Variants in PPA2 observed in about 807,000 individuals in gnomAD.
PPA2 encodes the protein inorganic pyrophosphatase 2, mitochondrial.
Under a neutral mutation model 49.5 loss-of-function variants are expected in PPA2, and 48 were observed. The ratio of observed to expected loss-of-function variants is 0.97; its 90% CI spans 0.77 to 1.23. The LOEUF is 1.23. PPA2 is among the 50% of genes most tolerant of loss of function. PPA2 has a pLI of 0.00. For synonymous variants in PPA2, 131 were observed against 139.9 expected (o/e 0.94, Z 0.45); for missense variants, 429 against 410.1 (o/e 1.05, Z -0.40).
intron 7 of PPA2, chr4:105,405,933 G>A (rs1263152407): frequency 1.2e-4 from 53 of 428,912 alleles, no homozygotes; most frequent in South Asian, 5.7e-4. Context: ...TGTATATACT[G>A]GAATATTTCT....
chr4:105,452,595 G>A (rs945763492), intron 3 of PPA2, among the ~76,000 whole-genome samples: 2 of 152,170 alleles, frequency 1.3e-5, no homozygotes, highest in Non-Finnish European at 2.9e-5. Flanking sequence ...AGCAGGCAAA[G>A]GTTGTAGGAA....
rs189184910 is a variant in PPA2, at chr4:105,423,344, T to C, written c.655+852A>G. The C allele has an allele frequency of 3.9e-5, 6 of 152,240 alleles. No homozygotes were observed. In the East Asian group the frequency reaches 1.2e-3, roughly 29 times the overall value. 9.4% of individuals were successfully genotyped at this position (152,240 alleles called of 1,614,324 possible). The stretch of plus-strand genomic sequence containing the variant: ...CAGTCATCTTAGAAATGGTAATATC[T>C]TCCAGTTTAGAATCGAGGTTTACAA... On this transcript the variant is annotated intron_variant, in intron 7 of 11. Transcript: ENST00000341695.
chr4:105,408,432 G>A (rs1722589663), intron 7 of PPA2, among the ~76,000 whole-genome samples: 1 of 151,936 alleles, frequency 6.6e-6, no homozygotes, highest in African/African-American at 2.4e-5. Context: ...AATAAAATAA[G>A]TCTGGTAAAC....
At chr4:105,448,887 A>G (rs1040580929) in intron 4 of PPA2, among the ~76,000 whole-genome samples, 3 of 152,174 alleles carry the variant, frequency 2.0e-5, no homozygotes, top group African/African-American at 7.2e-5. Context: ...ACTATAACGT[A>G]TATACTTAGC....
intron 7 of PPA2, among the ~76,000 whole-genome samples, chr4:105,409,110 G>A (rs1389646864): frequency 2.0e-5 from 3 of 152,178 alleles, no homozygotes; most frequent in Non-Finnish European, 4.4e-5. Flanking sequence ...TGCCTCACCC[G>A]GGAAGCACAA....
chr4:105,446,136 G>A (rs1354046710), intron 5 of PPA2: 1 of 320,790 alleles, frequency 3.1e-6, no homozygotes, highest in Non-Finnish European at 5.6e-6. Context: ...AAAAAAAAAT[G>A]TATTCAAAAT....
At chr4:105,382,264 G>A (rs1733519311) in intron 10 of PPA2, among the ~76,000 whole-genome samples, 1 of 151,990 alleles carries the variant, frequency 6.6e-6, no homozygotes, top group Non-Finnish European at 1.5e-5. Flanking sequence ...CTGCATGACA[G>A]CAAGTCTTTT....
intron 1 of PPA2, among the ~76,000 whole-genome samples, chr4:105,462,249 GC>G (rs1412489280): frequency 1.3e-5 from 2 of 152,128 alleles, no homozygotes; most frequent in South Asian, 4.2e-4. Flanking sequence ...ACATCAGACA[GC>G]CCTTCCTCAG....
chr4:105,406,705 C>T (rs1327957573), intron 7 of PPA2, among the ~76,000 whole-genome samples: 1 of 152,036 alleles, frequency 6.6e-6, no homozygotes, highest in African/African-American at 2.4e-5. Context: ...AAAAGTAGAC[C>T]CTCATTATAC....
intron 5 of PPA2, among the ~76,000 whole-genome samples, chr4:105,440,109 C>T (rs1459603050): frequency 4.6e-5 from 7 of 151,996 alleles, no homozygotes; most frequent in African/African-American, 1.7e-4. Flanking sequence ...TTTTGCTTAT[C>T]CCTACTCCCA....
chr4:105,405,327 CAT>C (rs1337885767), intron 7 of PPA2: 2 of 762,686 alleles, frequency 2.6e-6, no homozygotes, highest in Non-Finnish European at 1.6e-6. Context: ...TTGCTATACA[CAT>C]ATAGTTTTTC....
Position 105,473,907 on chromosome 4 carries a change from G to GT in PPA2, c.143dup (p.Tyr48Ter). The GT allele has an allele frequency of 2.5e-6, 4 of 1,600,516 alleles. No homozygotes were observed. The highest frequency in any genetic ancestry group is 2.6e-6 in the Non-Finnish European group (3 of 1,172,784). The change falls in exon 1 of 12, where the codon TAC (tyrosine) becomes TAAC (stop). Residue 48 changes from tyrosine (Y) to a stop codon, truncating the protein, a stop_gained and frameshift_variant. Coordinates refer to ENST00000341695, the MANE Select transcript of PPA2 (RefSeq NM_176869.3). LOFTEE classifies it high-confidence loss of function. The part of the protein sequence containing the change: ...EERGQPCSQN[Y>*]RLFFKNVTGH... ...GGAGCTACTTACTAAAGAAGAGGCG[G>GT]TAATTCTGCGAGCAGGGCTGGCCGC...
chr4:105,394,598 T>C (rs1359547140), intron 9 of PPA2, among the ~76,000 whole-genome samples: 2 of 152,136 alleles, frequency 1.3e-5, no homozygotes, highest in Non-Finnish European at 2.9e-5. Flanking sequence ...AGTTAATAAA[T>C]GTTAACTCTT....
At chr4:105,400,424 G>A (rs758239829) in intron 7 of PPA2, among the ~76,000 whole-genome samples, 2 of 152,102 alleles carry the variant, frequency 1.3e-5, no homozygotes, top group Non-Finnish European at 2.9e-5. Context: ...GAGGTCAGGA[G>A]TTTGAGACCA....
Position 105,456,744 on chromosome 4 carries a change from C to A in PPA2, c.159G>T (p.Lys53Asn). ...GGGAAATGTAGTGACCAGTTACATT[C>A]TCTGCAAAGACACAAACAAACAAAA... ...PCSQNYRLFF[K>N]NVTGHYISPF... Residue 53 changes from lysine (K) to asparagine (N), a missense_variant and splice_region_variant, in exon 2 of 12, where the codon AAG (lysine) becomes AAT (asparagine). Lys to Asn is a moderately conservative substitution (Grantham distance 94). Transcript: ENST00000341695. The A allele has an allele frequency of 6.2e-7, 1 of 1,602,548 alleles. No homozygotes were observed. The highest frequency in any genetic ancestry group is 1.1e-5 in the South Asian group (1 of 89,990).
chr4:105,417,305 C>CT (rs888499674), intron 7 of PPA2, among the ~76,000 whole-genome samples: 1 of 151,976 alleles, frequency 6.6e-6, no homozygotes, highest in African/African-American at 2.4e-5. Flanking sequence ...TAATTTAGGT[C>CT]TTTTTACTAA....
rs16345 is a variant in PPA2, at chr4:105,369,672, A to ACTTGGGGAAAAAGAGT, written c.*52_*53insACTCTTTTTCCCCAAG. 0.28 allele frequency: 411,749 copies of ACTTGGGGAAAAAGAGT among 1,492,210 alleles called. 59,685 individuals are homozygous for ACTTGGGGAAAAAGAGT. Among genetic ancestry groups the ACTTGGGGAAAAAGAGT allele is most frequent in the East Asian group, 0.45 (19,992 of 44,092 alleles). The allele number at this position is 1,492,210 out of a possible 1,614,324, so 92.4% of individuals were successfully genotyped here. A position where few individuals can be genotyped will look rare whatever the true frequency, so the allele number is the denominator to read the frequency against. On this transcript the variant is annotated 3_prime_UTR_variant, in exon 12 of 12. Transcript: ENST00000341695. ...GCTCATAGACCCCCTTGTCTCTAGC[A>ACTTGGGGAAAAAGAGT]CTTGGAGTCCTTAGAGATGGGAATC...
intron 6 of PPA2, among the ~76,000 whole-genome samples, chr4:105,433,171 A>C (rs2077608): frequency 6.6e-6 from 1 of 151,794 alleles, no homozygotes; most frequent in East Asian, 1.9e-4. Context: ...AAAAGTATAC[A>C]CCTCATGAAG....
At chr4:105,388,697 C>T (rs956307992) in intron 9 of PPA2, among the ~76,000 whole-genome samples, 1 of 151,994 alleles carries the variant, frequency 6.6e-6, no homozygotes, top group Non-Finnish European at 1.5e-5. Flanking sequence ...TGGTGGCACA[C>T]ACTTGTAATC....
Sources: gnomAD v4.1 joint callset for allele counts (sites outside exome capture counted in the v4.1 genomes callset) on GRCh38, gnomAD v4.1.1 for gene constraint, MANE v1.5 for transcripts, NCBI Gene and HGNC (gene_info 2026-07-23, HGNC 2026-07-21) for gene names.